The following FBXO11 variants were observed in gnomAD, a reference collection of about 807,000 sequenced individuals.
FBXO11 encodes F-box only protein 11.
Under a neutral mutation model 117.0 loss-of-function variants are expected in FBXO11, and 13 were observed. That is an observed-to-expected ratio of 0.11 (90% CI 0.07 to 0.18). The LOEUF is 0.18. Ranked by LOEUF, FBXO11 falls within the 10% of genes least tolerant of loss-of-function variation. The pLI is 1.00. For missense variants in FBXO11, 767 were observed against 1,164.4 expected (o/e 0.66, Z 4.97); for synonymous variants, 490 against 380.5 (o/e 1.29, Z -3.35).
chr2:47,815,260 G>A (rs1224102099), intron 16 of FBXO11, among the ~76,000 whole-genome samples: 3 of 152,216 alleles, frequency 2.0e-5, no homozygotes, highest in Non-Finnish European at 2.9e-5. Context: ...GTGATGGACA[G>A]AGTCGGGAAA....
At position 47,823,181 on chromosome 2, in the gene FBXO11, T is replaced by C. The variant is rs35935360; in HGVS notation, c.1578A>G (p.Ala526=). The change falls in exon 12 of 23, where the codon GCA becomes GCG. Residue 526 remains alanine (A), a synonymous_variant. Coordinates refer to ENST00000403359, the MANE Select transcript of FBXO11 (RefSeq NM_001190274.2). ...IENKIYANNF[A]GVWITSNSDP... is the part of the protein sequence containing the mutation. ...CACTATTTGAGGTAATCCATACACC[T>C]GCAAAGTTGTTTGCATAGATTTTAT... 2.6e-3 allele frequency: 4,128 copies of C among 1,614,002 alleles called. 110 individuals are homozygous for C. The African/African-American group carries it at 0.048, about 19-fold the overall frequency.
intron 1 of FBXO11, among the ~76,000 whole-genome samples, chr2:47,873,694 T>G (rs1358637174): frequency 2.0e-5 from 3 of 152,236 alleles, no homozygotes; most frequent in African/African-American, 7.2e-5. Flanking sequence ...TTGCTACCCA[T>G]TCACTCACTT....
intron 8 of FBXO11, 29 bp downstream of exon 8, chr2:47,832,935 T>C: frequency 1.2e-6 from 2 of 1,600,622 alleles, no homozygotes; most frequent in Non-Finnish European, 1.7e-6. Context: ...ATGATTTCAA[T>C]GTGTATTTTA....
chr2:47,892,023 T>G (rs545010831), intron 1 of FBXO11, among the ~76,000 whole-genome samples: 1 of 152,352 alleles, frequency 6.6e-6, no homozygotes, highest in South Asian at 2.1e-4. Context: ...ATTAACTCCT[T>G]ATCAGATATA....
At chr2:47,898,144 T>G (rs1677817602) in intron 1 of FBXO11, among the ~76,000 whole-genome samples, 1 of 152,258 alleles carries the variant, frequency 6.6e-6, no homozygotes, top group Non-Finnish European at 1.5e-5. Context: ...CACACTTGCT[T>G]TAACATGCTA....
intron 20 of FBXO11, 38 bp from the exon 21 acceptor site, chr2:47,809,304 A>T: frequency 7.5e-7 from 1 of 1,328,404 alleles, no homozygotes; most frequent in Non-Finnish European, 1.1e-6. Flanking sequence ...ATTCAGAGGA[A>T]TGTTAATATT....
intron 1 of FBXO11, among the ~76,000 whole-genome samples, chr2:47,894,881 T>C (rs760673584): frequency 2.0e-5 from 3 of 152,072 alleles, no homozygotes; most frequent in Non-Finnish European, 4.4e-5. Flanking sequence ...AACACAGCAG[T>C]CTCCTCCTCT....
Position 47,905,569 on chromosome 2 carries a change from T to TGCG in FBXO11, c.151_152insCGC (p.Gln50_Gln51insPro). Reference sequence around the variant, plus strand: ...CGGCGGAGGCTGCTGCTGCTGCTGCTGCTGCGGCGGCGGCGGAGGCTGCTG... The same window carrying TGCG: ...CGGCGGAGGCTGCTGCTGCTGCTGCTGCGGCTGCGGCGGCGGCGGAGGCTGCTG... On this transcript the variant is annotated inframe_insertion, in exon 1 of 23. Transcript: ENST00000403359. 2.4e-6 allele frequency: 3 copies of TGCG among 1,250,304 alleles called. No homozygotes were observed. The highest frequency in any genetic ancestry group is 3.0e-6 in the Non-Finnish European group (3 of 999,466). The allele number at this position is 1,250,304 out of a possible 1,614,324, so 77.5% of individuals were successfully genotyped here. A position where few individuals can be genotyped will look rare whatever the true frequency, so the allele number is the denominator to read the frequency against.
chr2:47,883,735 A>G, intron 1 of FBXO11: 2 of 265,394 alleles, frequency 7.5e-6, no homozygotes, highest in Non-Finnish European at 1.5e-5. Context: ...CGAGAGAAAG[A>G]AGGTTAAGTT....
At chr2:47,809,578 G>T in intron 20 of FBXO11, 22 bp downstream of exon 20, 1 of 1,507,904 alleles carries the variant, frequency 6.6e-7, no homozygotes, top group Non-Finnish European at 9.2e-7. Flanking sequence ...TATATTTATA[G>T]GTATAGCAGA....
In FBXO11 at chr2:47,808,114, G is replaced by A; in HGVS notation, c.*4C>T. The A allele has an allele frequency of 6.2e-7, 1 of 1,600,186 alleles. No homozygotes were observed. On this transcript the variant is annotated 3_prime_UTR_variant, in exon 23 of 23. Coordinates refer to ENST00000403359, the MANE Select transcript of FBXO11 (RefSeq NM_001190274.2). ...TGGCAGGACTTTTTCTTTAGGGAAG[G>A]AATTCAGTTGTGCTGCAATGTATTA...
chr2:47,868,308 G>C (rs866261743), intron 1 of FBXO11, among the ~76,000 whole-genome samples: 13 of 150,418 alleles, frequency 8.6e-5, no homozygotes, highest in Non-Finnish European at 1.9e-4. Flanking sequence ...AAAAAGCTGG[G>C]AATCAAGACT....
At chr2:47,836,820 G>A (rs1003228692) in intron 4 of FBXO11, among the ~76,000 whole-genome samples, 6 of 151,846 alleles carry the variant, frequency 4.0e-5, no homozygotes, top group South Asian at 4.2e-4. Flanking sequence ...TCTCACTCCC[G>A]TTGCCCACAC....
chr2:47,898,226 T>A (rs1677824373), intron 1 of FBXO11, among the ~76,000 whole-genome samples: 1 of 152,236 alleles, frequency 6.6e-6, no homozygotes, highest in Non-Finnish European at 1.5e-5. Context: ...AATAAACATT[T>A]TTGATATTTG....
At chr2:47,904,390 C>T (rs949698320) in intron 1 of FBXO11, among the ~76,000 whole-genome samples, 1 of 151,986 alleles carries the variant, frequency 6.6e-6, no homozygotes, top group Non-Finnish European at 1.5e-5. Context: ...GCAACACCCC[C>T]CCTCATAAAC....
At chr2:47,859,245 T>A (rs1462956223) in intron 1 of FBXO11, among the ~76,000 whole-genome samples, 1 of 151,924 alleles carries the variant, frequency 6.6e-6, no homozygotes, top group African/African-American at 2.4e-5. Flanking sequence ...AACACTACAA[T>A]AAAATGTACC....
At chr2:47,820,875 A>C (rs1248245772) in intron 13 of FBXO11, among the ~76,000 whole-genome samples, 1 of 152,216 alleles carries the variant, frequency 6.6e-6, no homozygotes, top group East Asian at 1.9e-4. Context: ...GTAAAGCTTT[A>C]TGTAAGTATT....
rs180870871 is a variant in FBXO11, at chr2:47,839,293, T to C, written c.442+126A>G. ...GGAGAGGTCAGGGTTCTAAAGTTTA[T>C]TCTGTAATAATCACTTTCTGAATCC... On this transcript the variant is annotated intron_variant, in intron 3 of 22. Coordinates refer to ENST00000403359, the MANE Select transcript of FBXO11 (RefSeq NM_001190274.2). 132 of 894,998 alleles carry C rather than the reference T, an allele frequency of 1.5e-4. 1 individual carries two copies. The East Asian group carries it at 3.4e-3, about 23-fold the overall frequency. The allele number at this position is 894,998 out of a possible 1,614,324, so 55.4% of individuals were successfully genotyped here. A position where few individuals can be genotyped will look rare whatever the true frequency, so the allele number is the denominator to read the frequency against.
chr2:47,872,487 C>T (rs572024647), intron 1 of FBXO11, among the ~76,000 whole-genome samples: 6 of 152,242 alleles, frequency 3.9e-5, no homozygotes, highest in African/African-American at 1.4e-4. Context: ...CCATGCCTGC[C>T]TAATTTTTGT....
Sources: allele counts gnomAD v4.1 joint callset (sites outside exome capture counted in the v4.1 genomes callset), GRCh38; gene constraint gnomAD v4.1.1; transcripts MANE v1.5; gene names NCBI Gene and HGNC (gene_info 2026-07-23, HGNC 2026-07-21).